SEMA3E: variants seen among roughly 807,000 people sequenced by gnomAD.
SEMA3E encodes semaphorin-3E.
A neutral mutation model predicts 93.6 loss-of-function variants in SEMA3E; 49 were observed. The ratio of observed to expected loss-of-function variants is 0.52; its 90% CI spans 0.42 to 0.66. The LOEUF (loss-of-function observed/expected upper bound fraction) is 0.66, where lower values mean the gene tolerates loss of function less well. Ranked by LOEUF, SEMA3E falls within the 30% of genes least tolerant of loss-of-function variation. The pLI, the probability that SEMA3E is intolerant of heterozygous loss-of-function variation, is 0.00. For missense variants in SEMA3E, 906 were observed against 964.8 expected, an observed-to-expected ratio of 0.94 and a Z score of 0.81; for synonymous variants, 363 against 330.7, an observed-to-expected ratio of 1.10 and a Z score of -1.06.
intron 1 of SEMA3E, among the ~76,000 whole-genome samples, chr7:83,609,977 A>C (rs1793217008): frequency 6.6e-6 from 1 of 152,038 alleles, no homozygotes; most frequent in Non-Finnish European, 1.5e-5. Flanking sequence ...AATTAAACGA[A>C]ATACAGTACA....
chr7:83,423,579 C>T (rs1584238994), intron 4 of SEMA3E, among the ~76,000 whole-genome samples: 1 of 150,920 alleles, frequency 6.6e-6, no homozygotes. Flanking sequence ...TCTCGGCTCA[C>T]TGCAAGCTCT....
intron 16 of SEMA3E, among the ~76,000 whole-genome samples, chr7:83,371,276 A>C (rs1467982317): frequency 6.6e-6 from 1 of 152,210 alleles, no homozygotes; most frequent in Non-Finnish European, 1.5e-5. Flanking sequence ...CAGCGAAATG[A>C]AAATGAAACA....
intron 1 of SEMA3E, among the ~76,000 whole-genome samples, chr7:83,588,436 C>T (rs777286334): frequency 1.3e-5 from 2 of 151,844 alleles, no homozygotes; most frequent in Non-Finnish European, 2.9e-5. Flanking sequence ...AAAACCTGGG[C>T]AGGTGAACAT....
chr7:83,587,103 A>G (rs57674984), intron 1 of SEMA3E, among the ~76,000 whole-genome samples: 2,751 of 152,272 alleles, frequency 0.018, 82 homozygotes, highest in African/African-American at 0.063. Flanking sequence ...GAGAAACTTA[A>G]AGATTTTCCA....
rs1794113387 is a variant in SEMA3E at position 83,648,719 on chromosome 7, C to A, written c.-177G>T. The A allele has an allele frequency of 3.0e-6, 2 of 667,042 alleles. No individual in the cohort carries two copies. The highest frequency in any genetic ancestry group is 5.5e-6 in the Non-Finnish European group (2 of 364,330). 41.3% of individuals were successfully genotyped at this position (667,042 alleles called of 1,614,324 possible). ...CAGGCTGTATTTGGCTATGTAAAAC[C>A]TTTCTTTCCTCGGGACAGTTGTTTA... On this transcript the variant is annotated 5_prime_UTR_variant, in exon 1 of 17. The change creates a new upstream start codon in the 5' untranslated region. Coordinates refer to ENST00000643230, the MANE Select transcript of SEMA3E (RefSeq NM_012431.3).
chr7:83,411,334 A>G (rs1173444386), intron 5 of SEMA3E, among the ~76,000 whole-genome samples: 1 of 152,108 alleles, frequency 6.6e-6, no homozygotes, highest in East Asian at 1.9e-4. Context: ...TATGAACTGT[A>G]TGACTTGAAT....
At chr7:83,585,301 TTA>T (rs1792602740) in intron 1 of SEMA3E, among the ~76,000 whole-genome samples, 1 of 152,172 alleles carries the variant, frequency 6.6e-6, no homozygotes, top group South Asian at 2.1e-4. Context: ...AGCAATCATT[TTA>T]TATATTTGCC....
At chr7:83,555,884 C>T (rs532643627) in intron 1 of SEMA3E, among the ~76,000 whole-genome samples, 1 of 152,150 alleles carries the variant, frequency 6.6e-6, no homozygotes, top group Non-Finnish European at 1.5e-5. Context: ...GGAGACCTTA[C>T]TAAGGAATTT....
At chr7:83,412,717 G>A (rs957334380) in intron 5 of SEMA3E, among the ~76,000 whole-genome samples, 11 of 149,844 alleles carry the variant, frequency 7.3e-5, no homozygotes, top group Non-Finnish European at 1.3e-4. Flanking sequence ...AACTATGATT[G>A]TGCTACTGCA....
chr7:83,363,983 T>C lies in SEMA3E; in HGVS notation c.*3603A>G, dbSNP rs573737735. On this transcript the variant is annotated 3_prime_UTR_variant, in exon 17 of 17. Transcript: ENST00000643230. ...AATCTCGGCTCACTGCAAGCTCCGC[T>C]TCCCGGGTTCACGCCATTCTCCTGC... 3 of 138,778 alleles carry C rather than the reference T, an allele frequency of 2.2e-5. No homozygotes were observed. The highest frequency in any genetic ancestry group is 5.2e-5 in the African/African-American group (2 of 38,540). The allele number at this position is 138,778 out of a possible 1,614,324, so 8.6% of individuals were successfully genotyped here.
At chr7:83,444,660 C>A (rs996688416) in intron 4 of SEMA3E, among the ~76,000 whole-genome samples, 1 of 144,606 alleles carries the variant, frequency 6.9e-6, no homozygotes, top group Non-Finnish European at 1.5e-5. Context: ...GCTAGGAAGG[C>A]AGAATATTCA....
intron 1 of SEMA3E, among the ~76,000 whole-genome samples, chr7:83,543,147 T>C (rs760588313): frequency 5.9e-5 from 9 of 152,096 alleles, no homozygotes; most frequent in Non-Finnish European, 1.3e-4. Context: ...TGGTTATTAT[T>C]ATTGATAGTC....
chr7:83,641,003 G>A (rs901644527), intron 1 of SEMA3E, among the ~76,000 whole-genome samples: 26 of 152,276 alleles, frequency 1.7e-4, no homozygotes, highest in African/African-American at 6.3e-4. Flanking sequence ...AAAGGTGGAG[G>A]AGAGAATGTA....
rs187691472 is a variant in SEMA3E, at chr7:83,456,152, T to A, written c.456+10330A>T. Among the ~76,000 whole-genome samples the A allele has an allele frequency of 5.3e-5, 8 of 152,370 alleles. No individual in the cohort carries two copies. In the East Asian group the frequency reaches 1.2e-3, roughly 22 times the overall value. ...CATTCTTAAGAGAAATGTTGGCTGT[T>A]AAGTAATGAAAACCATTTTAATTTT... On this transcript the variant is annotated intron_variant, in intron 4 of 16. Coordinates refer to ENST00000643230, the MANE Select transcript of SEMA3E (RefSeq NM_012431.3).
chr7:83,550,363 G>A (rs1293501569), intron 1 of SEMA3E, among the ~76,000 whole-genome samples: 1 of 152,060 alleles, frequency 6.6e-6, no homozygotes, highest in Non-Finnish European at 1.5e-5. Context: ...GTGGCACCCA[G>A]TGATATCAGT....
chr7:83,626,389 T>C (rs1239473413), intron 1 of SEMA3E, among the ~76,000 whole-genome samples: 2 of 152,100 alleles, frequency 1.3e-5, no homozygotes, highest in Non-Finnish European at 1.5e-5. Context: ...CAGAATTTGT[T>C]ATTGATCTAT....
intron 5 of SEMA3E, among the ~76,000 whole-genome samples, chr7:83,412,742 G>A: frequency 7.6e-6 from 1 of 131,294 alleles, no homozygotes; most frequent in African/African-American, 3.0e-5. Flanking sequence ...AGCCGAGCCA[G>A]ACCCTGCCTA....
intron 1 of SEMA3E, among the ~76,000 whole-genome samples, chr7:83,578,668 TA>T (rs1447734442): frequency 2.6e-5 from 4 of 151,726 alleles, no homozygotes; most frequent in East Asian, 1.9e-4. Flanking sequence ...AAACTGGTTA[TA>T]AAAAAAAGAA....
At chr7:83,424,914 G>A (rs547798318) in intron 4 of SEMA3E, 1 of 278,882 alleles carries the variant, frequency 3.6e-6, no homozygotes, top group Non-Finnish European at 7.3e-6. Context: ...GGTGCTGTCA[G>A]CCTCTACCAT....
Sources: allele counts gnomAD v4.1 joint callset (sites outside exome capture counted in the v4.1 genomes callset), GRCh38; gene constraint gnomAD v4.1.1; transcripts MANE v1.5; gene names NCBI Gene and HGNC (gene_info 2026-07-23, HGNC 2026-07-21).